Variants in KIF11 observed in about 807,000 individuals in gnomAD.
The protein encoded by KIF11 is kinesin family member 11.
Under a neutral mutation model 121.0 loss-of-function variants are expected in KIF11, and 9 were observed. The observed-to-expected ratio is 0.07, with a 90% CI of 0.04 to 0.13. The LOEUF (loss-of-function observed/expected upper bound fraction) is 0.13, where lower values mean the gene tolerates loss of function less well. Ranked by LOEUF, KIF11 falls within the 10% of genes least tolerant of loss-of-function variation. The pLI is 1.00. For missense variants in KIF11, 846 were observed against 1,217.5 expected (o/e 0.69, Z 4.54); for synonymous variants, 408 against 421.0 (o/e 0.97, Z 0.38).
At chr10:92,629,876 C>T (rs1433493327) in intron 11 of KIF11, among the ~76,000 whole-genome samples, 1 of 152,172 alleles carries the variant, frequency 6.6e-6, no homozygotes, top group Non-Finnish European at 1.5e-5. Context: ...CTTGGCCTCC[C>T]AGAGTGCTGG....
intron 16 of KIF11, 32 bp from the exon 17 acceptor site, chr10:92,639,762 A>G: frequency 8.0e-7 from 1 of 1,243,564 alleles, no homozygotes; most frequent in South Asian, 1.3e-5. Context: ...TCATAATTTT[A>G]AGTCTCTTCA....
rs34417963 is a variant in KIF11 at position 92,653,751 on chromosome 10, G to C, written c.3126G>C (p.Leu1042Phe). Residue 1042 changes from leucine to phenylalanine, a missense_variant, in exon 22 of 22, where the codon TTG becomes TTC. This residue lies in a region of KIF11 where 492 missense variants were observed against 603.4 expected (regional missense o/e 0.82). Coordinates refer to ENST00000260731, the MANE Select transcript of KIF11 (RefSeq NM_004523.4). ...RSKVEETTEH[L>F]VTKSRLPLRA... ...AAGTGGAAGAAACTACAGAGCACTT[G>C]GTTACAAAGAGCAGATTACCTCTGC... The C allele has an allele frequency of 2.6e-3, 4,131 of 1,613,806 alleles. 87 individuals are homozygous for C. The African/African-American group carries it at 0.045, about 17-fold the overall frequency.
At chr10:92,629,206 A>G (rs1844709245) in intron 11 of KIF11, among the ~76,000 whole-genome samples, 1 of 150,248 alleles carries the variant, frequency 6.7e-6, no homozygotes, top group African/African-American at 2.5e-5. Flanking sequence ...CTGGTCTTGA[A>G]CTCCTGACCT....
At chr10:92,649,149 G>T (rs1844953557) in intron 19 of KIF11, among the ~76,000 whole-genome samples, 1 of 150,966 alleles carries the variant, frequency 6.6e-6, no homozygotes. Context: ...AAAAGCAATT[G>T]TTAAAAGGGG....
chr10:92,636,237 A>C (rs1844794035), intron 14 of KIF11, among the ~76,000 whole-genome samples: 1 of 152,186 alleles, frequency 6.6e-6, no homozygotes, highest in South Asian at 2.1e-4. Flanking sequence ...ATATACCTGT[A>C]GGTTTTTAAA....
Position 92,653,791 on chromosome 10 carries a change from C to G in KIF11, c.3166C>G (p.Leu1056Val). Residue 1056 changes from leucine to valine, a missense_variant, in exon 22 of 22, where the codon CTT (leucine) becomes GTT (valine). By Grantham distance (32) the Leu-to-Val change is conservative (BLOSUM62 1). Coordinates refer to ENST00000260731, the MANE Select transcript of KIF11 (RefSeq NM_004523.4). ...ATTACCTCTGCGAGCCCAGATCAAC[C>G]TTTAATTCACTTGGGGGTTGGCAAT... ...SRLPLRAQIN[L>V] 1 of 1,605,130 alleles carries G rather than the reference C, an allele frequency of 6.2e-7. No homozygotes were observed. Among genetic ancestry groups the G allele is most frequent in the Non-Finnish European group, 8.5e-7 (1 of 1,177,878 alleles).
chr10:92,629,356 A>AT (rs1207529059), intron 11 of KIF11, among the ~76,000 whole-genome samples: 6 of 152,028 alleles, frequency 3.9e-5, no homozygotes, highest in African/African-American at 1.4e-4. Context: ...TTATATCATG[A>AT]TTTTTTACTA....
intron 1 of KIF11, among the ~76,000 whole-genome samples, chr10:92,595,770 T>A (rs919816916): frequency 6.6e-6 from 1 of 152,148 alleles, no homozygotes; most frequent in African/African-American, 2.4e-5. Flanking sequence ...ACCATTCGAC[T>A]GTCTTATGAT....
chr10:92,645,728 A>C, intron 18 of KIF11, 86 bp downstream of exon 18: 2 of 1,052,582 alleles, frequency 1.9e-6, no homozygotes, highest in Non-Finnish European at 2.8e-6. Context: ...ATTTCAAAAC[A>C]AATGATATTT....
rs181453923 is a variant in KIF11, at chr10:92,609,008, T to C, written c.388-12T>C. On this transcript the variant is annotated splice_polypyrimidine_tract_variant and intron_variant, in intron 4 of 21. Coordinates refer to ENST00000260731, the MANE Select transcript of KIF11 (RefSeq NM_004523.4). ...CATTCTTCCTTTATATTAGTCCTTATTATAATTTCAGGATCCCTTGGCTGG... is the reference window on the plus strand; with the variant it reads ...CATTCTTCCTTTATATTAGTCCTTACTATAATTTCAGGATCCCTTGGCTGG... 4.8e-5 allele frequency: 71 copies of C among 1,469,216 alleles called. No homozygotes were observed. Among genetic ancestry groups the C allele is most frequent in the African/African-American group, 4.8e-4 (34 of 70,980 alleles). The allele number at this position is 1,469,216 out of a possible 1,614,324, so 91.0% of individuals were successfully genotyped here. A position where few individuals can be genotyped will look rare whatever the true frequency, so the allele number is the denominator to read the frequency against.
intron 21 of KIF11, among the ~76,000 whole-genome samples, chr10:92,652,910 A>G (rs568782752): frequency 6.6e-6 from 1 of 152,294 alleles, no homozygotes; most frequent in Non-Finnish European, 1.5e-5. Context: ...TAAAACTTTA[A>G]AAGTTGGTTT....
intron 3 of KIF11, 62 bp from the exon 4 acceptor site, chr10:92,607,097 T>C: frequency 1.0e-6 from 1 of 979,336 alleles, no homozygotes; most frequent in Non-Finnish European, 1.6e-6. Flanking sequence ...TTTTCTAGTC[T>C]ATCACTAAGA....
chr10:92,609,301 A>AGAGAGAGAGT (rs1554859634), intron 5 of KIF11, 84 bp from the exon 6 acceptor site: 24 of 600,968 alleles, frequency 4.0e-5, no homozygotes, highest in Middle Eastern at 6.3e-4. Flanking sequence ...AGAGAGAGAG[A>AGAGAGAGAGT]GAGTGTGTGT....
At chr10:92,626,397 A>G (rs7087860) in intron 10 of KIF11, among the ~76,000 whole-genome samples, 22,709 of 152,224 alleles carry the variant, frequency 0.15, 3,606 homozygotes, top group African/African-American at 0.4. Context: ...TAACGCCCAT[A>G]TACAGAAATC....
rs371053640 is a variant in KIF11 at position 92,613,184 on chromosome 10, C to G, written c.789+54C>G. 1,949 of 1,399,436 alleles carry G rather than the reference C, an allele frequency of 1.4e-3. 4 individuals carry two copies. Among genetic ancestry groups the G allele is most frequent in the Non-Finnish European group, 1.8e-3 (1,825 of 1,010,606 alleles). The allele number at this position is 1,399,436 out of a possible 1,614,324, so 86.7% of individuals were successfully genotyped here. A position where few individuals can be genotyped will look rare whatever the true frequency, so the allele number is the denominator to read the frequency against. On this transcript the variant is annotated intron_variant, in intron 7 of 21. Coordinates refer to ENST00000260731, the MANE Select transcript of KIF11 (RefSeq NM_004523.4). This position sits in a 1 kb window ranked among gnomAD's most constrained non-coding sequence, Gnocchi z 4.2. ...CACTCTTAAACACCTTATAGAGCAG[C>G]TTGAAATTTTGTCCTTGAGACAAAA...
intron 6 of KIF11, among the ~76,000 whole-genome samples, chr10:92,611,237 G>C (rs1404206212): frequency 2.0e-5 from 3 of 151,918 alleles, no homozygotes; most frequent in African/African-American, 4.8e-5. Flanking sequence ...TTTTGAGACA[G>C]AGCCTCTCTC....
intron 16 of KIF11, among the ~76,000 whole-genome samples, 189 bp from the exon 17 acceptor site, chr10:92,639,601 AAAAC>A (rs1844843468): frequency 6.6e-6 from 1 of 152,130 alleles, no homozygotes; most frequent in Non-Finnish European, 1.5e-5. Context: ...TCTAAAAAAA[AAAAC>A]AAATCCTACA....
intron 10 of KIF11, among the ~76,000 whole-genome samples, chr10:92,624,261 T>G (rs1426284302): frequency 2.7e-5 from 4 of 149,230 alleles, no homozygotes; most frequent in African/African-American, 9.9e-5. Context: ...GAGACAGTCT[T>G]GCTCTGTCAC....
At chr10:92,611,644 A>G (rs1302628729) in intron 6 of KIF11, among the ~76,000 whole-genome samples, 2 of 152,144 alleles carry the variant, frequency 1.3e-5, no homozygotes, top group Admixed American at 1.3e-4. Flanking sequence ...GACGCTTGTA[A>G]TCCCAGCACT....
Sources: gnomAD v4.1 joint callset for allele counts (sites outside exome capture counted in the v4.1 genomes callset) on GRCh38, gnomAD v4.1.1 for gene constraint, gnomAD v4.1.1 regional missense constraint, Gnocchi (gnomAD v3.1) non-coding constraint, MANE v1.5 for transcripts, NCBI Gene and HGNC (gene_info 2026-07-23, HGNC 2026-07-21) for gene names.